The following ADAMTS14 variants were observed in gnomAD, a reference collection of about 807,000 sequenced individuals.
ADAMTS14 encodes A disintegrin and metalloproteinase with thrombospondin motifs 14.
ADAMTS14 carries 100 observed loss-of-function variants against 128.6 expected under a neutral mutation model. The ratio of observed to expected loss-of-function variants is 0.78; its 90% CI spans 0.66 to 0.92. The LOEUF is 0.92. Among genes scored for constraint, ADAMTS14 ranks in the 40% least tolerant of loss-of-function variants. The probability of loss-of-function intolerance (pLI) is 0.00; values close to 1 mark genes in which losing one functional copy is unlikely to be tolerated. For missense variants in ADAMTS14, 1,562 were observed against 1,658.6 expected (o/e 0.94, Z 1.01); for synonymous variants, 665 against 653.8 (o/e 1.02, Z -0.26).
At chr10:70,754,246 C>T (rs949274261) in intron 19 of ADAMTS14, among the ~76,000 whole-genome samples, 4 of 152,224 alleles carry the variant, frequency 2.6e-5, no homozygotes, top group African/African-American at 4.8e-5. Context: ...GGGTTCATGT[C>T]CCTGTGTTCC....
At chr10:70,745,370 G>T (rs1301934610) in intron 15 of ADAMTS14, 64 bp downstream of exon 15, 2 of 1,550,554 alleles carry the variant, frequency 1.3e-6, no homozygotes, top group African/African-American at 1.4e-5. Context: ...ACTTGGGGGA[G>T]CTGGGAGACC....
At chr10:70,727,932 A>G (rs577107898) in intron 4 of ADAMTS14, among the ~76,000 whole-genome samples, 24 of 152,320 alleles carry the variant, frequency 1.6e-4, no homozygotes, top group African/African-American at 5.3e-4. Flanking sequence ...CGTCTCTACT[A>G]AAAATACAAA....
intron 11 of ADAMTS14, among the ~76,000 whole-genome samples, chr10:70,740,174 A>G (rs1841951155): frequency 6.6e-6 from 1 of 152,208 alleles, no homozygotes; most frequent in African/African-American, 2.4e-5. Flanking sequence ...AGCTGCTGTT[A>G]TAGTAATCAT....
chr10:70,711,932 G>A (rs779741924), intron 4 of ADAMTS14, among the ~76,000 whole-genome samples: 46 of 152,172 alleles, frequency 3.0e-4, no homozygotes, highest in Non-Finnish European at 6.3e-4. Flanking sequence ...GGGAGCGGGT[G>A]GGGGGCTAGA....
At position 70,703,020 on chromosome 10, in the gene ADAMTS14, G is replaced by A. The variant is rs572038504; in HGVS notation, c.679+552G>A. 2.0e-5 allele frequency among the ~76,000 whole-genome samples: 3 copies of A among 152,356 alleles called. No individual in the cohort carries two copies. In the East Asian group the frequency reaches 5.8e-4, roughly 29 times the overall value. On this transcript the variant is annotated intron_variant, in intron 3 of 21. Coordinates refer to ENST00000373207, the MANE Select transcript of ADAMTS14 (RefSeq NM_080722.4). ...AAGCAGAGATGATCCATGTCTACCT[G>A]TAAATGTTATATGTAATGGTGATGG... is the stretch of plus-strand genomic sequence containing the variant.
intron 7 of ADAMTS14, 105 bp downstream of exon 7, chr10:70,732,464 C>CA: frequency 1.1e-5 from 11 of 994,320 alleles, no homozygotes; most frequent in Non-Finnish European, 1.6e-5. Flanking sequence ...GTTCCAGTGT[C>CA]CTGGGAGGTG....
At chr10:70,719,330 C>G (rs1474139863) in intron 4 of ADAMTS14, among the ~76,000 whole-genome samples, 2 of 151,364 alleles carry the variant, frequency 1.3e-5, no homozygotes, top group African/African-American at 4.9e-5. Flanking sequence ...GTTCACACAA[C>G]ACTTTTGCTT....
intron 3 of ADAMTS14, among the ~76,000 whole-genome samples, chr10:70,706,239 C>T (rs946075191): frequency 5.3e-5 from 8 of 152,294 alleles, no homozygotes; most frequent in Non-Finnish European, 8.8e-5. Flanking sequence ...GGCTGTGCCC[C>T]GATAGACAGT....
At chr10:70,722,848 C>CA (rs1212123131) in intron 4 of ADAMTS14, among the ~76,000 whole-genome samples, 1 of 152,232 alleles carries the variant, frequency 6.6e-6, no homozygotes, top group Non-Finnish European at 1.5e-5. Context: ...AGGGACAAAT[C>CA]TCCCATGCAG....
intron 6 of ADAMTS14, among the ~76,000 whole-genome samples, chr10:70,730,567 C>A (rs970263917): frequency 2.0e-5 from 3 of 152,210 alleles, no homozygotes; most frequent in Non-Finnish European, 2.9e-5. Flanking sequence ...CTTCTCTCCA[C>A]ACTGTGTCCT....
At chr10:70,711,755 AG>A (rs942761445) in intron 4 of ADAMTS14, among the ~76,000 whole-genome samples, 34 of 152,256 alleles carry the variant, frequency 2.2e-4, no homozygotes, top group African/African-American at 8.2e-4. Flanking sequence ...ACAGGGTCTG[AG>A]ACCTGAGAGG....
At chr10:70,688,326 C>T (rs1229831296) in intron 2 of ADAMTS14, among the ~76,000 whole-genome samples, 5 of 91,040 alleles carry the variant, frequency 5.5e-5, no homozygotes, top group Admixed American at 1.2e-4. Context: ...TGGGAAGAGG[C>T]GCTCCTCACT....
intron 2 of ADAMTS14, among the ~76,000 whole-genome samples, chr10:70,684,937 C>G (rs1478719178): frequency 6.6e-6 from 1 of 152,242 alleles, no homozygotes; most frequent in Non-Finnish European, 1.5e-5. Flanking sequence ...TCCTCATGAC[C>G]ATGCTTCACT....
chr10:70,675,619 G>T (rs1299895667), intron 2 of ADAMTS14, among the ~76,000 whole-genome samples: 1 of 152,192 alleles, frequency 6.6e-6, no homozygotes, highest in African/African-American at 2.4e-5. Context: ...GCTGCTCTGT[G>T]TGTCCCTTTC....
intron 21 of ADAMTS14, 40 bp from the exon 22 acceptor site, chr10:70,760,320 C>G: frequency 1.3e-6 from 2 of 1,506,806 alleles, no homozygotes; most frequent in Non-Finnish European, 1.8e-6. Context: ...ACAGGCATCC[C>G]CACGTTGCTT....
chr10:70,743,575 A>G lies in ADAMTS14; in HGVS notation c.1952A>G (p.Gln651Arg). The change falls in exon 13 of 22, where the codon CAG (glutamine) becomes CGG (arginine). Residue 651 changes from glutamine (Q) to arginine (R), a missense_variant. Transcript: ENST00000373207. Reference sequence around the variant, plus strand: ...GCCCAGAAGTGTGAGCTGATCTGCCAGTCGGCGGACACGGGGGACGTGGTG... The same window carrying G: ...GCCCAGAAGTGTGAGCTGATCTGCCGGTCGGCGGACACGGGGGACGTGGTG... ...DDAQKCELICQSADTGDVVFM... is the reference protein window; with the variant it reads ...DDAQKCELICRSADTGDVVFM... 6.2e-7 allele frequency: 1 copy of G among 1,612,612 alleles called. No individual in the cohort carries two copies. Among genetic ancestry groups the G allele is most frequent in the Non-Finnish European group, 8.5e-7 (1 of 1,179,672 alleles).
At chr10:70,685,713 T>C (rs763689214) in intron 2 of ADAMTS14, among the ~76,000 whole-genome samples, 10 of 152,198 alleles carry the variant, frequency 6.6e-5, no homozygotes, top group Non-Finnish European at 1.5e-4. Flanking sequence ...GCCAAGCGTA[T>C]GTGAACAGAA....
chr10:70,740,898 T>G, intron 11 of ADAMTS14, 89 bp from the exon 12 acceptor site: 7 of 1,381,146 alleles, frequency 5.1e-6, no homozygotes, highest in Non-Finnish European at 7.0e-6. Flanking sequence ...TATGAATGGC[T>G]GAGCTGCTCC....
chr10:70,750,653 C>A (rs1842323921), intron 16 of ADAMTS14, among the ~76,000 whole-genome samples: 1 of 152,186 alleles, frequency 6.6e-6, no homozygotes, highest in Non-Finnish European at 1.5e-5. Context: ...CAATTCAATC[C>A]AGCATATACT....
Sources: gnomAD v4.1 joint callset for allele counts (sites outside exome capture counted in the v4.1 genomes callset) on GRCh38, gnomAD v4.1.1 for gene constraint, MANE v1.5 for transcripts, NCBI Gene and HGNC (gene_info 2026-07-23, HGNC 2026-07-21) for gene names.